Variants in CD163L1 observed in about 807,000 individuals in gnomAD.
CD163L1 encodes scavenger receptor cysteine-rich type 1 protein M160.
CD163L1 carries 124 observed loss-of-function variants against 165.4 expected under a neutral mutation model. The ratio of observed to expected loss-of-function variants is 0.75; its 90% CI spans 0.65 to 0.87. The LOEUF (loss-of-function observed/expected upper bound fraction) is 0.87. Ranked by LOEUF, CD163L1 falls within the 40% of genes least tolerant of loss-of-function variation. The pLI is 0.00. For missense variants in CD163L1, 1,525 were observed against 1,799.9 expected (o/e 0.85, Z 2.76); for synonymous variants, 585 against 662.2 (o/e 0.88, Z 1.79).
At chr12:7,419,893 T>C (rs763327272) in intron 4 of CD163L1, among the ~76,000 whole-genome samples, 8 of 151,866 alleles carry the variant, frequency 5.3e-5, no homozygotes, top group Admixed American at 3.9e-4. Flanking sequence ...AAAAAGAGCA[T>C]GTATAGCCAA....
chr12:7,376,476 A>T (rs1947274541), intron 9 of CD163L1, among the ~76,000 whole-genome samples: 1 of 152,210 alleles, frequency 6.6e-6, no homozygotes, highest in African/African-American at 2.4e-5. Flanking sequence ...AGCTACTTAT[A>T]TTAGTAATGT....
At chr12:7,414,053 A>T (rs1948189973) in intron 4 of CD163L1, among the ~76,000 whole-genome samples, 1 of 152,172 alleles carries the variant, frequency 6.6e-6, no homozygotes, top group Non-Finnish European at 1.5e-5. Flanking sequence ...GGCTTCAAAA[A>T]ACACAATGAA....
chr12:7,399,319 TTCTC>T (rs200896755), intron 6 of CD163L1, among the ~76,000 whole-genome samples: 2 of 151,148 alleles, frequency 1.3e-5, no homozygotes, highest in East Asian at 3.9e-4. Context: ...CTTTTCTTTC[TTCTC>T]TCTCTTCTTT....
chr12:7,349,016 A>G (rs1393947385), intron 4 of CD163L1, among the ~76,000 whole-genome samples: 1 of 152,092 alleles, frequency 6.6e-6, no homozygotes, highest in East Asian at 1.9e-4. Context: ...TAGACGGTGA[A>G]TCTGGATTTC....
chr12:7,369,508 C>T lies in CD163L1; in HGVS notation c.3888G>A (p.Leu1296=), dbSNP rs939252960. ...TTCCCTGGCCAAACGAAGCGTCCCT[C>T]AGGGCAGCCAGAGCAGAGCCACAGC... ...QLGCGSALAA[L]RDASFGQGTG... Residue 1296 remains leucine, a synonymous_variant, in exon 15 of 20, where the codon CTG becomes CTA. Coordinates refer to ENST00000313599, the MANE Select transcript of CD163L1 (RefSeq NM_174941.6). The surrounding 1 kb of genome is among the most constrained non-coding windows in gnomAD (Gnocchi z 4.9). The T allele has an allele frequency of 1.9e-6, 3 of 1,614,064 alleles. No individual in the cohort carries two copies. The highest frequency in any genetic ancestry group is 4.5e-5 in the East Asian group (2 of 44,898).
At chr12:7,423,650 A>C (rs192403733) in intron 4 of CD163L1, among the ~76,000 whole-genome samples, 55 of 152,312 alleles carry the variant, frequency 3.6e-4, no homozygotes, top group Admixed American at 1.2e-3. Flanking sequence ...AGGGGATATC[A>C]CCACTGATCC....
rs776250574 is a variant in CD163L1 at position 7,403,578 on chromosome 12, C to A, written c.1365G>T (p.Lys455Asn). The A allele has an allele frequency of 1.2e-6, 2 of 1,613,812 alleles. No individual in the cohort carries two copies. Among genetic ancestry groups the A allele is most frequent in the African/African-American group, 2.7e-5 (2 of 74,900 alleles). Residue 455 changes from lysine (K) to asparagine (N), a missense_variant, in exon 6 of 20, where the codon AAG becomes AAT. Transcript: ENST00000313599. ...LWDCTYDGKAKRTCFRRSDAG... is the reference protein window; with the variant it reads ...LWDCTYDGKANRTCFRRSDAG... Reference sequence around the variant, plus strand: ...CATCTGATCTTCGGAAGCATGTTCGCTTTGCTTTTCCATCATATGTGCAGT... The same window carrying A: ...CATCTGATCTTCGGAAGCATGTTCGATTTGCTTTTCCATCATATGTGCAGT...
At chr12:7,346,494 C>T (rs79403756), downstream of CD163L1, among the ~76,000 whole-genome samples, 7,258 of 151,980 alleles carry the variant, frequency 0.048, 253 homozygotes, top group Non-Finnish European at 0.073. Flanking sequence ...TCTCTGTCTG[C>T]CCAATACATT....
chr12:7,440,499 A>T (rs1483051371), intron 2 of CD163L1, among the ~76,000 whole-genome samples: 2 of 151,824 alleles, frequency 1.3e-5, no homozygotes, highest in Non-Finnish European at 2.9e-5. Flanking sequence ...ATATATTTTT[A>T]ATTGTATTTA....
At chr12:7,362,637 T>A (rs1946928149) in intron 18 of CD163L1, among the ~76,000 whole-genome samples, 1 of 145,328 alleles carries the variant, frequency 6.9e-6, no homozygotes, top group Non-Finnish European at 1.5e-5. Context: ...TATAAATATA[T>A]ATAATATAAA....
At chr12:7,336,891 G>A in the CD163L1 span, among the ~76,000 whole-genome samples, 1 of 152,084 alleles carries the variant, frequency 6.6e-6, no homozygotes, top group Non-Finnish European at 1.5e-5. Context: ...GAGCAAAGCT[G>A]GAGGCATCAT....
chr12:7,369,073 T>A lies in CD163L1; in HGVS notation c.4040-108A>T. On this transcript the variant is annotated intron_variant, in intron 15 of 19. Transcript: ENST00000313599. The surrounding 1 kb of genome is among the most constrained non-coding windows in gnomAD (Gnocchi z 4.9). ...ATGTCATTTAAATATCCTTTTAACA[T>A]CTCCTGTGAATACTGGATGTCATTT... is the stretch of plus-strand genomic sequence containing the variant. The A allele has an allele frequency of 8.0e-7, 1 of 1,245,694 alleles. No homozygotes were observed. The highest frequency in any genetic ancestry group is 1.1e-6 in the Non-Finnish European group (1 of 875,598). 77.2% of individuals were successfully genotyped at this position (1,245,694 alleles called of 1,614,324 possible).
intron 8 of CD163L1, among the ~76,000 whole-genome samples, chr12:7,380,290 TGTG>T (rs1247690204): frequency 8.0e-6 from 1 of 125,398 alleles, no homozygotes; most frequent in African/African-American, 2.7e-5. Context: ...TGTGTGTGTG[TGTG>T]TGTGTGTGTA....
At chr12:7,425,178 A>C (rs1208253845) in intron 4 of CD163L1, among the ~76,000 whole-genome samples, 5 of 152,036 alleles carry the variant, frequency 3.3e-5, no homozygotes, top group African/African-American at 1.2e-4. Context: ...GAAAGAACAC[A>C]ACACATCTAC....
chr12:7,366,316 G>C (rs772906236), intron 18 of CD163L1, among the ~76,000 whole-genome samples: 140 of 152,204 alleles, frequency 9.2e-4, no homozygotes, highest in Middle Eastern at 3.4e-3. Context: ...ATAAAACCTA[G>C]TGTTTGATAA....
intron 14 of CD163L1, among the ~76,000 whole-genome samples, chr12:7,370,427 G>T (rs1947121210): frequency 6.6e-6 from 1 of 151,980 alleles, no homozygotes; most frequent in Non-Finnish European, 1.5e-5. Flanking sequence ...CTAAGCCTCT[G>T]CCTTACCTCT....
chr12:7,405,838 AGGTGT>A (rs1434873279), intron 5 of CD163L1, among the ~76,000 whole-genome samples: 1 of 152,216 alleles, frequency 6.6e-6, no homozygotes, highest in Non-Finnish European at 1.5e-5. Flanking sequence ...GAATATTAGA[AGGTGT>A]GGGTTTAATC....
At chr12:7,324,635 A>G in the CD163L1 span, 1 of 1,601,466 alleles carries the variant, frequency 6.2e-7, no homozygotes, top group African/African-American at 1.3e-5. Context: ...GCAACATCAT[A>G]TTTTCAAGTT....
intron 1 of CD163L1, among the ~76,000 whole-genome samples, chr12:7,441,812 A>T (rs756310545): frequency 2.0e-5 from 3 of 152,298 alleles, no homozygotes; most frequent in African/African-American, 7.2e-5. Flanking sequence ...TGAGCTCATG[A>T]TTATTTACCA....
Sources: gnomAD v4.1 joint callset for allele counts (sites outside exome capture counted in the v4.1 genomes callset) on GRCh38, gnomAD v4.1.1 for gene constraint, Gnocchi (gnomAD v3.1) non-coding constraint, MANE v1.5 for transcripts, NCBI Gene and HGNC (gene_info 2026-07-23, HGNC 2026-07-21) for gene names.